Variants in TMEM131 observed in about 807,000 individuals in gnomAD.
TMEM131 encodes the protein 2610524E03Rik.
TMEM131 carries 66 observed loss-of-function variants against 211.6 expected under a neutral mutation model. The ratio of observed to expected loss-of-function variants is 0.31; its 90% confidence interval spans 0.26 to 0.38. TMEM131 has a LOEUF of 0.38. TMEM131 is among the 10% of genes least tolerant of loss of function. The probability of loss-of-function intolerance (pLI) is 1.00; values close to 1 mark genes in which losing one functional copy is unlikely to be tolerated. For synonymous variants in TMEM131, 844 were observed against 841.3 expected, an observed-to-expected ratio of 1.00 and a Z score of -0.06; for missense variants, 2,036 against 2,299.3, an observed-to-expected ratio of 0.89 and a Z score of 2.34.
intron 4 of TMEM131, among the ~76,000 whole-genome samples, chr2:97,861,452 A>T (rs1442714602): frequency 2.0e-5 from 3 of 151,802 alleles, no homozygotes; most frequent in African/African-American, 7.3e-5. Flanking sequence ...CAGCCACAGC[A>T]GGATAGGGCT....
At chr2:97,969,850 G>A (rs1327943498) in intron 1 of TMEM131, among the ~76,000 whole-genome samples, 3 of 152,166 alleles carry the variant, frequency 2.0e-5, no homozygotes, top group African/African-American at 4.8e-5. Flanking sequence ...TGATGTTACT[G>A]TAAAAAATGC....
intron 2 of TMEM131, chr2:97,913,146 G>C (rs1559443330): frequency 6.6e-6 from 1 of 152,036 alleles, no homozygotes; most frequent in Non-Finnish European, 1.5e-5. Flanking sequence ...CGCAAATCAG[G>C]GGGCCACTAA....
chr2:97,759,409 A>G (rs1678693395), intron 39 of TMEM131: 1 of 532,556 alleles, frequency 1.9e-6, no homozygotes, highest in Non-Finnish European at 3.4e-6. Context: ...AAGCCCTTCA[A>G]TACCCGCCAT....
chr2:97,882,672 GCT>G (rs1674985990), intron 4 of TMEM131, among the ~76,000 whole-genome samples: 1 of 152,128 alleles, frequency 6.6e-6, no homozygotes, highest in East Asian at 1.9e-4. Context: ...TGCTTAACCA[GCT>G]CTCTCAAATG....
intron 1 of TMEM131, among the ~76,000 whole-genome samples, chr2:97,958,125 A>G (rs977571668): frequency 3.3e-5 from 5 of 152,232 alleles, no homozygotes; most frequent in African/African-American, 1.2e-4. Context: ...GTTCTTTAAG[A>G]AGATAAGTCA....
chr2:97,995,563 C>T lies in TMEM131; in HGVS notation c.100G>A (p.Gly34Ser). ...AGGCCGGCGGCCGCGCTCCGCGGGC[C>T]CCCGCTACGGGCGGCCGCAGGTTCC... is the stretch of plus-strand genomic sequence containing the variant. ...GLEPAAARSG[G>S]PRSAAAGLLG... The change falls in exon 1 of 41, where the codon GGC (glycine) becomes AGC (serine). Residue 34 changes from glycine (G) to serine (S), a missense_variant. Coordinates refer to ENST00000186436, the MANE Select transcript of TMEM131 (RefSeq NM_015348.2). 3.0e-6 allele frequency: 4 copies of T among 1,315,844 alleles called. No homozygotes were observed. The highest frequency in any genetic ancestry group is 2.9e-4 in the Middle Eastern group (1 of 3,450). 81.5% of individuals were successfully genotyped at this position (1,315,844 alleles called of 1,614,324 possible). A position where few individuals can be genotyped will look rare whatever the true frequency, so the allele number is the denominator to read the frequency against.
At chr2:97,771,780 A>G (rs1679479212) in intron 33 of TMEM131, among the ~76,000 whole-genome samples, 1 of 152,224 alleles carries the variant, frequency 6.6e-6, no homozygotes, top group Admixed American at 6.5e-5. Context: ...ATCCCATTCC[A>G]TGGGGAGGAA....
At chr2:97,807,194 A>G (rs144841336) in intron 19 of TMEM131, among the ~76,000 whole-genome samples, 87 of 152,336 alleles carry the variant, frequency 5.7e-4, no homozygotes, top group African/African-American at 1.9e-3. Flanking sequence ...AATTCCAAGC[A>G]AGTATCTGGT....
intron 11 of TMEM131, among the ~76,000 whole-genome samples, chr2:97,819,303 A>T (rs1011430200): frequency 6.6e-6 from 1 of 152,226 alleles, no homozygotes; most frequent in African/African-American, 2.4e-5. Context: ...GCCCACAGGG[A>T]TGTTCAGCTT....
At chr2:97,803,927 T>C (rs892753414) in intron 22 of TMEM131, among the ~76,000 whole-genome samples, 8 of 152,228 alleles carry the variant, frequency 5.3e-5, no homozygotes, top group African/African-American at 1.9e-4. Flanking sequence ...TAATTAGTGT[T>C]CTCTTAGCAA....
At chr2:97,935,863 G>C (rs1215361131) in intron 1 of TMEM131, among the ~76,000 whole-genome samples, 2 of 152,170 alleles carry the variant, frequency 1.3e-5, no homozygotes, top group Admixed American at 1.3e-4. Flanking sequence ...ATCTCAACAA[G>C]AACAGTGAAA....
At chr2:97,992,731 T>A (rs556262916) in intron 1 of TMEM131, among the ~76,000 whole-genome samples, 1 of 152,200 alleles carries the variant, frequency 6.6e-6, no homozygotes, top group Non-Finnish European at 1.5e-5. Context: ...CACATACACA[T>A]GTATTTTCAC....
chr2:97,793,577 A>C, intron 29 of TMEM131, 24 bp from the exon 30 acceptor site: 1 of 1,577,110 alleles, frequency 6.3e-7, no homozygotes, highest in East Asian at 2.3e-5. Flanking sequence ...AAAAATTGGA[A>C]AATCAGGATT....
At chr2:97,782,989 C>T (rs1680085835) in intron 31 of TMEM131, among the ~76,000 whole-genome samples, 1 of 148,154 alleles carries the variant, frequency 6.7e-6, no homozygotes, top group Non-Finnish European at 1.5e-5. Context: ...AAAGAGCAAA[C>T]CTCAAAAAGG....
intron 32 of TMEM131, among the ~76,000 whole-genome samples, chr2:97,775,262 C>T (rs538140543): frequency 6.3e-4 from 96 of 152,276 alleles, no homozygotes; most frequent in African/African-American, 2.0e-3. Context: ...AGGCCTCCAA[C>T]GGGCGAGGCA....
intron 38 of TMEM131, 39 bp from the exon 39 acceptor site, chr2:97,759,788 T>A (rs1192004141): frequency 2.0e-6 from 3 of 1,500,746 alleles, no homozygotes; most frequent in Non-Finnish European, 2.8e-6. Context: ...CACAAAAATG[T>A]ATGGTGGTTA....
intron 1 of TMEM131, among the ~76,000 whole-genome samples, chr2:97,994,766 C>A (rs1013832114): frequency 6.6e-6 from 1 of 152,128 alleles, no homozygotes; most frequent in African/African-American, 2.4e-5. Context: ...TGCAGCAGTA[C>A]AATACTAATG....
chr2:97,882,291 A>G (rs1674968074), intron 4 of TMEM131, among the ~76,000 whole-genome samples: 1 of 152,220 alleles, frequency 6.6e-6, no homozygotes. Context: ...TTAGAGACAG[A>G]AGAGAAAAGT....
chr2:97,978,173 A>C (rs1400558844), intron 1 of TMEM131, among the ~76,000 whole-genome samples: 3 of 152,212 alleles, frequency 2.0e-5, no homozygotes, highest in Admixed American at 2.0e-4. Flanking sequence ...TGTAGCATGC[A>C]ATGCTGTTTG....
Sources: allele counts gnomAD v4.1 joint callset (sites outside exome capture counted in the v4.1 genomes callset), GRCh38; gene constraint gnomAD v4.1.1; transcripts MANE v1.5; gene names NCBI Gene and HGNC (gene_info 2026-07-23, HGNC 2026-07-21).